The following RNF207 variants were observed in gnomAD, a reference collection of about 807,000 sequenced individuals.
The protein encoded by RNF207 is OTTHUMG00000001089.
A neutral mutation model predicts 79.0 loss-of-function variants in RNF207; 72 were observed. The ratio of observed to expected loss-of-function variants is 0.91; its 90% CI spans 0.75 to 1.11. The LOEUF (loss-of-function observed/expected upper bound fraction) is 1.11, where lower values mean the gene tolerates loss of function less well. RNF207 is among the 50% of genes least tolerant of loss of function. The pLI, the probability that RNF207 is intolerant of heterozygous loss-of-function variation, is 0.00. For missense variants in RNF207, 936 were observed against 855.8 expected, an observed-to-expected ratio of 1.09 and a Z score of -1.17; for synonymous variants, 348 against 366.2, an observed-to-expected ratio of 0.95 and a Z score of 0.57.
Position 6,209,096 on chromosome 1 carries a change from C to T in RNF207, c.470-19C>T. The T allele has an allele frequency of 6.5e-7, 1 of 1,549,364 alleles. No homozygotes were observed. The highest frequency in any genetic ancestry group is 8.7e-7 in the Non-Finnish European group (1 of 1,146,894). On this transcript the variant is annotated intron_variant, in intron 4 of 17. Coordinates refer to ENST00000377939, the MANE Select transcript of RNF207 (RefSeq NM_207396.3). Reference sequence around the variant, plus strand: ...CGGGCACTGACCGGAGCCCTCACCACCGCCCGCCGCCCCCGCAGCGCTGCA... The same window carrying T: ...CGGGCACTGACCGGAGCCCTCACCATCGCCCGCCGCCCCCGCAGCGCTGCA...
intron 15 of RNF207, 69 bp downstream of exon 15, chr1:6,212,802 A>G: frequency 1.5e-6 from 2 of 1,330,786 alleles, no homozygotes; most frequent in South Asian, 2.3e-5. Context: ...CAGAGGAGGA[A>G]GTCAGAGTCG....
intron 3 of RNF207, chr1:6,208,655 C>G: frequency 1.8e-6 from 1 of 545,052 alleles, no homozygotes; most frequent in Non-Finnish European, 3.2e-6. Flanking sequence ...CCCGCGTCCC[C>G]CACCCCCCTC....
In RNF207 at chr1:6,220,382, G is replaced by C. The variant is rs954609174; in HGVS notation, c.*975G>C. The C allele has an allele frequency of 6.6e-6, 1 of 152,144 alleles. No individual in the cohort carries two copies. Among genetic ancestry groups the C allele is most frequent in the Admixed American group, 6.6e-5 (1 of 15,262 alleles). The allele number at this position is 152,144 out of a possible 1,614,324, so 9.4% of individuals were successfully genotyped here. On this transcript the variant is annotated 3_prime_UTR_variant, in exon 18 of 18. Coordinates refer to ENST00000377939, the MANE Select transcript of RNF207 (RefSeq NM_207396.3). ...AGAGTGTGGTATGTCAGGGTGTGCCGGTTTTAGGTAACAAGACTCCACCAC... is the reference window on the plus strand; with the variant it reads ...AGAGTGTGGTATGTCAGGGTGTGCCCGTTTTAGGTAACAAGACTCCACCAC...
chr1:6,218,393 G>C, intron 17 of RNF207, 24 bp downstream of exon 17: 1 of 1,551,710 alleles, frequency 6.4e-7, no homozygotes, highest in Non-Finnish European at 8.9e-7. Context: ...CTCCACTGGA[G>C]AGTGTGCACG....
chr1:6,217,717 T>G lies in RNF207; in HGVS notation c.1653-572T>G, dbSNP rs1200566144. Among the ~76,000 whole-genome samples the G allele has an allele frequency of 6.6e-6, 1 of 152,084 alleles. No individual in the cohort carries two copies. The highest frequency in any genetic ancestry group is 1.5e-5 in the Non-Finnish European group (1 of 68,000). On this transcript the variant is annotated intron_variant, in intron 16 of 17. Transcript: ENST00000377939. The surrounding 1 kb of genome is among the most constrained non-coding windows in gnomAD (Gnocchi z 4.2). ...CTATTGCTCCCCTGAATCCAGATCATCATGGCCAACCCTCCTACCCCTCCA... is the reference window on the plus strand; with the variant it reads ...CTATTGCTCCCCTGAATCCAGATCAGCATGGCCAACCCTCCTACCCCTCCA...
intron 17 of RNF207, among the ~76,000 whole-genome samples, 171 bp downstream of exon 17, chr1:6,218,540 A>C (rs757606695): frequency 3.9e-5 from 6 of 152,248 alleles, no homozygotes; most frequent in Admixed American, 2.6e-4. Flanking sequence ...TGAGTAACTT[A>C]TAAGTGACCT....
In RNF207 at chr1:6,210,208, G is replaced by GC. The variant is rs1557586391; in HGVS notation, c.801-9dup. The GC allele has an allele frequency of 6.8e-6, 11 of 1,610,056 alleles. No homozygotes were observed. Among genetic ancestry groups the GC allele is most frequent in the Non-Finnish European group, 7.6e-6 (9 of 1,177,692 alleles). ...CTCCTGGCCCCCTGGAAACCAGGCAGCCCCCCTCCCCCAGCCAATACGAAG... is the reference window on the plus strand; with the variant it reads ...CTCCTGGCCCCCTGGAAACCAGGCAGCCCCCCCTCCCCCAGCCAATACGAAG... On this transcript the variant is annotated splice_polypyrimidine_tract_variant and intron_variant, in intron 8 of 17. Transcript: ENST00000377939.
chr1:6,214,974 A>G (rs116106089), intron 16 of RNF207, among the ~76,000 whole-genome samples: 6,739 of 145,274 alleles, frequency 0.046, 477 homozygotes, highest in African/African-American at 0.15. Flanking sequence ...TGGAATTCCT[A>G]TTGTTGGATA....
Position 6,211,149 on chromosome 1 carries a change from G to A in RNF207, c.1109+31G>A, listed in dbSNP as rs1668150412. The stretch of plus-strand genomic sequence containing the variant: ...CAGCAACCGGGGAGGCCAGGCACAA[G>A]GTCCCCAACACTGGGGTGTGGGGGA... On this transcript the variant is annotated intron_variant, in intron 12 of 17. Coordinates refer to ENST00000377939, the MANE Select transcript of RNF207 (RefSeq NM_207396.3). This position sits in a 1 kb window ranked among gnomAD's most constrained non-coding sequence, Gnocchi z 4.2. 1.3e-6 allele frequency: 2 copies of A among 1,484,696 alleles called. No homozygotes were observed. The highest frequency in any genetic ancestry group is 2.8e-5 in the African/African-American group (2 of 72,488). The allele number at this position is 1,484,696 out of a possible 1,614,324, so 92.0% of individuals were successfully genotyped here.
rs770617242 is a variant in RNF207 at position 6,213,164 on chromosome 1, A to G, written c.1633A>G (p.Lys545Glu). The change falls in exon 16 of 18, where the codon AAG becomes GAG. Residue 545 changes from lysine to glutamate, a missense_variant. Physicochemically the swap from Lys to Glu is moderately conservative, Grantham distance 56. Coordinates refer to ENST00000377939, the MANE Select transcript of RNF207 (RefSeq NM_207396.3). Reference sequence around the variant, plus strand: ...CTACGTCCGCTCCATTGCCAAGGTGAAGGAGCGGCTGGAGCCCAGGTGAGG... The same window carrying G: ...CTACGTCCGCTCCATTGCCAAGGTGGAGGAGCGGCTGGAGCCCAGGTGAGG... ...TPYVRSIAKV[K>E]ERLEPRFQAP... 1 of 1,612,314 alleles carries G rather than the reference A, an allele frequency of 6.2e-7. No homozygotes were observed. The highest frequency in any genetic ancestry group is 1.1e-5 in the South Asian group (1 of 90,962).
chr1:6,216,269 A>C (rs1199493639), intron 16 of RNF207, among the ~76,000 whole-genome samples: 1 of 151,844 alleles, frequency 6.6e-6, no homozygotes, highest in African/African-American at 2.4e-5. Flanking sequence ...TGCTACCCAC[A>C]CAGACTTGTT....
Position 6,206,205 on chromosome 1 carries a change from G to T in RNF207, c.-98G>T, listed in dbSNP as rs1022780213. On this transcript the variant is annotated 5_prime_UTR_variant, in exon 1 of 18. Coordinates refer to ENST00000377939, the MANE Select transcript of RNF207 (RefSeq NM_207396.3). ...GGCTACTCCTCGGCAGAGCGACCGC[G>T]CGGTGTCTCAGAGCGCGGCCCGGAG... 1 of 278,958 alleles carries T rather than the reference G, an allele frequency of 3.6e-6. No homozygotes were observed. The highest frequency in any genetic ancestry group is 6.7e-6 in the Non-Finnish European group (1 of 149,816). The allele number at this position is 278,958 out of a possible 1,614,324, so 17.3% of individuals were successfully genotyped here.
In RNF207 at chr1:6,214,721, G is replaced by A. The variant is rs372480611; in HGVS notation, c.1652+1538G>A. Among the ~76,000 whole-genome samples, 6 of 133,080 alleles carry A rather than the reference G, an allele frequency of 4.5e-5. No individual in the cohort carries two copies. In the South Asian group the frequency reaches 7.5e-4, roughly 17 times the overall value. 87.3% of individuals were successfully genotyped at this position (133,080 alleles called of 152,430 possible). A position where few individuals can be genotyped will look rare whatever the true frequency, so the allele number is the denominator to read the frequency against. ...ATGATCTCAGCTCACTGCAACTTCC[G>A]CCCCCTGGGTTCAAGCCATTCTCCT... On this transcript the variant is annotated intron_variant, in intron 16 of 17. Transcript: ENST00000377939.
At chr1:6,206,806 A>G in intron 2 of RNF207, 80 bp downstream of exon 2, 1 of 1,197,262 alleles carries the variant, frequency 8.4e-7, no homozygotes. Flanking sequence ...GCTGGGACCC[A>G]GGTGCCAGGA....
chr1:6,213,294 G>A, intron 16 of RNF207, 111 bp downstream of exon 16: 1 of 635,530 alleles, frequency 1.6e-6, no homozygotes. Context: ...GCTGAGGTGG[G>A]CGGATAACCT....
At chr1:6,210,975 C>T in intron 11 of RNF207, 37 bp downstream of exon 11, 2 of 1,598,920 alleles carry the variant, frequency 1.3e-6, no homozygotes, top group South Asian at 2.3e-5. Flanking sequence ...GTCGGGGGCC[C>T]TGCAGGGCAG....
At position 6,210,432 on chromosome 1, in the gene RNF207, G is replaced by A; in HGVS notation, c.936G>A (p.Leu312=). 6.2e-7 allele frequency: 1 copy of A among 1,613,054 alleles called. No individual in the cohort carries two copies. Among genetic ancestry groups the A allele is most frequent in the African/African-American group, 1.3e-5 (1 of 75,014 alleles). Residue 312 remains leucine (L), a synonymous_variant, in exon 10 of 18, where the codon CTG becomes CTA. Coordinates refer to ENST00000377939, the MANE Select transcript of RNF207 (RefSeq NM_207396.3). The part of the protein sequence containing the change: ...SLANKAEFLD[L]GYELMERLQG... The stretch of plus-strand genomic sequence containing the variant: ...CCAACAAGGCTGAGTTCCTGGACCT[G>A]GGCTATGTGAGTCTCCTCTGCTCCT...
intron 3 of RNF207, 57 bp from the exon 4 acceptor site, chr1:6,208,824 T>A: frequency 1.4e-6 from 2 of 1,479,862 alleles, no homozygotes; most frequent in Middle Eastern, 2.0e-4. Flanking sequence ...GCGGCTGCGG[T>A]TCCCGCGCTG....
At chr1:6,209,066 C>CGCG in intron 4 of RNF207, 41 bp downstream of exon 4, 3 of 644,482 alleles carry the variant, frequency 4.7e-6, no homozygotes, top group Non-Finnish European at 4.6e-6. Context: ...GGGGTGGGGG[C>CGCG]GGGGCGGGCA....
Sources: gnomAD v4.1 joint callset for allele counts (sites outside exome capture counted in the v4.1 genomes callset) on GRCh38, gnomAD v4.1.1 for gene constraint, Gnocchi (gnomAD v3.1) non-coding constraint, MANE v1.5 for transcripts, NCBI Gene and HGNC (gene_info 2026-07-23, HGNC 2026-07-21) for gene names.